PDE4D: variants seen among roughly 807,000 people sequenced by gnomAD.
PDE4D encodes phosphodiesterase 4D, also known as 3',5'-cyclic-AMP phosphodiesterase 4D.
In PDE4D, 24 loss-of-function variants were observed where a neutral mutation model predicts 87.4. That is an observed-to-expected ratio of 0.27 (90% CI 0.20 to 0.39). The LOEUF is 0.39. Among genes scored for constraint, PDE4D ranks in the 10% least tolerant of loss-of-function variants. PDE4D has a pLI of 1.00. For missense variants in PDE4D, 714 were observed against 1,041.0 expected, an observed-to-expected ratio of 0.69 and a Z score of 4.32; for synonymous variants, 384 against 383.2, an observed-to-expected ratio of 1.00 and a Z score of -0.02.
At chr5:60,246,080 C>T (rs1277249914) in intron 1 of PDE4D, among the ~76,000 whole-genome samples, 1 of 151,602 alleles carries the variant, frequency 6.6e-6, no homozygotes, top group African/African-American at 2.4e-5. Context: ...TACTATGTAG[C>T]CAAAAAAATT....
At chr5:59,638,992 T>C (rs1741081199) in intron 1 of PDE4D, among the ~76,000 whole-genome samples, 3 of 152,172 alleles carry the variant, frequency 2.0e-5, no homozygotes, top group African/African-American at 7.2e-5. Flanking sequence ...TCTATTTTAG[T>C]TTTATTTTGC....
intron 1 of PDE4D, among the ~76,000 whole-genome samples, chr5:59,443,259 A>ATGC (rs769188634): frequency 1.3e-5 from 2 of 152,202 alleles, no homozygotes; most frequent in Non-Finnish European, 2.9e-5. Context: ...AGACGACAGA[A>ATGC]TGCCTGAAAA....
At position 59,193,679 on chromosome 5, in the gene PDE4D, T is replaced by A. The variant is rs376854049; in HGVS notation, c.648-143A>T. 6.2e-6 allele frequency: 9 copies of A among 1,455,346 alleles called. No homozygotes were observed. The East Asian group carries it at 1.8e-4, about 29-fold the overall frequency. The allele number at this position is 1,455,346 out of a possible 1,614,324, so 90.2% of individuals were successfully genotyped here. On this transcript the variant is annotated intron_variant, in intron 2 of 14. Transcript: ENST00000340635. ...CATCCTTATACTTCAGCACATGTTC[T>A]TCCCAGCAACTGGGTTAAAAATATG...
chr5:60,303,307 CTT>C (rs879522679), intron 1 of PDE4D, among the ~76,000 whole-genome samples: 25 of 127,766 alleles, frequency 2.0e-4, no homozygotes, highest in Admixed American at 4.7e-4. Flanking sequence ...ATCTGGATTT[CTT>C]TTTTTTTTTT....
intron 1 of PDE4D, among the ~76,000 whole-genome samples, chr5:59,570,567 A>G (rs1204543977): frequency 6.6e-6 from 1 of 152,170 alleles, no homozygotes; most frequent in Non-Finnish European, 1.5e-5. Context: ...CGTGTAAGTC[A>G]GCTATATCAA....
upstream of PDE4D, among the ~76,000 whole-genome samples, chr5:59,896,453 A>T (rs1172268724): frequency 6.6e-6 from 1 of 152,170 alleles, no homozygotes; most frequent in Non-Finnish European, 1.5e-5. Flanking sequence ...AATCCAGCAC[A>T]CAAAGACCCA....
intron 2 of PDE4D, among the ~76,000 whole-genome samples, chr5:60,070,863 T>C (rs1772638098): frequency 6.6e-6 from 1 of 152,082 alleles, no homozygotes; most frequent in Non-Finnish European, 1.5e-5. Context: ...CTATACTAGT[T>C]ATAGGTCTGT....
At chr5:59,123,130 G>A (rs1216714411) in intron 5 of PDE4D, among the ~76,000 whole-genome samples, 2 of 151,814 alleles carry the variant, frequency 1.3e-5, no homozygotes, top group Non-Finnish European at 2.9e-5. Flanking sequence ...AGTAGCTAAG[G>A]CATGGTTGAA....
intron 2 of PDE4D, among the ~76,000 whole-genome samples, chr5:60,074,119 GTTGT>G (rs1773033872): frequency 6.6e-6 from 1 of 151,958 alleles, no homozygotes; most frequent in African/African-American, 2.4e-5. Context: ...GTGATGTTAG[GTTGT>G]TTATTTTAAA....
intron 1 of PDE4D, among the ~76,000 whole-genome samples, chr5:60,295,224 C>T (rs1049490140): frequency 6.6e-6 from 1 of 152,144 alleles, no homozygotes; most frequent in Non-Finnish European, 1.5e-5. Context: ...TCTAAACTCA[C>T]TTATTGGTTC....
intron 3 of PDE4D, among the ~76,000 whole-genome samples, chr5:59,940,242 T>C (rs138419610): frequency 5.5e-4 from 84 of 152,322 alleles, no homozygotes; most frequent in African/African-American, 1.9e-3. Flanking sequence ...GGAGTTTCGG[T>C]TTCTTTCCTA....
At chr5:59,547,968 C>A (rs1488086141) in intron 1 of PDE4D, among the ~76,000 whole-genome samples, 1 of 152,166 alleles carries the variant, frequency 6.6e-6, no homozygotes, top group Non-Finnish European at 1.5e-5. Context: ...AGAATTACTA[C>A]AGGCAGCCTT....
At chr5:60,025,585 T>G (rs749680526) in intron 2 of PDE4D, among the ~76,000 whole-genome samples, 3 of 152,136 alleles carry the variant, frequency 2.0e-5, no homozygotes, top group Non-Finnish European at 4.4e-5. Context: ...TTTTTAATAT[T>G]TATTATTTTA....
At chr5:60,046,416 G>C (rs1416293096) in intron 2 of PDE4D, among the ~76,000 whole-genome samples, 1 of 152,186 alleles carries the variant, frequency 6.6e-6, no homozygotes, top group East Asian at 1.9e-4. Flanking sequence ...GAATAGGAGG[G>C]GTGAGAGAAG....
At chr5:59,173,323 G>A (rs565767449) in intron 5 of PDE4D, among the ~76,000 whole-genome samples, 18 of 152,194 alleles carry the variant, frequency 1.2e-4, no homozygotes, top group African/African-American at 4.3e-4. Context: ...TATATTAATA[G>A]GTATGGCTCT....
chr5:59,200,049 ACACACAT>A (rs1272787711), intron 2 of PDE4D, among the ~76,000 whole-genome samples: 2 of 104,518 alleles, frequency 1.9e-5, no homozygotes, highest in Non-Finnish European at 2.2e-5. Flanking sequence ...ACACGTATGT[ACACACAT>A]GCATGTACAC....
At chr5:58,981,600 A>G (rs1745190954) in intron 11 of PDE4D, among the ~76,000 whole-genome samples, 1 of 152,084 alleles carries the variant, frequency 6.6e-6, no homozygotes, top group Non-Finnish European at 1.5e-5. Flanking sequence ...ATTCATAAGA[A>G]AATACTCATG....
At chr5:59,644,238 T>G (rs1186574912) in intron 1 of PDE4D, among the ~76,000 whole-genome samples, 3 of 152,216 alleles carry the variant, frequency 2.0e-5, no homozygotes, top group African/African-American at 7.2e-5. Context: ...TCAACCAGCT[T>G]ATTTAAGATA....
intron 5 of PDE4D, among the ~76,000 whole-genome samples, chr5:59,173,556 T>C (rs1783353986): frequency 6.6e-6 from 1 of 152,232 alleles, no homozygotes; most frequent in Non-Finnish European, 1.5e-5. Flanking sequence ...AATCCGACAG[T>C]CATTAGATGT....
Sources: allele counts gnomAD v4.1 joint callset (sites outside exome capture counted in the v4.1 genomes callset), GRCh38; gene constraint gnomAD v4.1.1; transcripts MANE v1.5; gene names NCBI Gene and HGNC (gene_info 2026-07-23, HGNC 2026-07-21).